SPOCK1: variants seen among roughly 807,000 people sequenced by gnomAD.
SPOCK1 encodes testican-1.
In SPOCK1, 23 loss-of-function variants were observed where a neutral mutation model predicts 55.3. That is an observed-to-expected ratio of 0.42 (90% CI 0.30 to 0.59). SPOCK1 has a LOEUF of 0.59. Ranked by LOEUF, SPOCK1 falls within the 20% of genes least tolerant of loss-of-function variation. The pLI is 0.22. For synonymous variants in SPOCK1, 226 were observed against 221.0 expected (o/e 1.02, Z -0.20); for missense variants, 499 against 552.5 (o/e 0.90, Z 0.97).
At chr5:137,107,496 T>G (rs1196103516) in intron 5 of SPOCK1, among the ~76,000 whole-genome samples, 2 of 152,196 alleles carry the variant, frequency 1.3e-5, no homozygotes, top group Non-Finnish European at 2.9e-5. Context: ...GTTCCTTATC[T>G]TTTATGGATT....
chr5:137,409,304 C>A (rs979604090), intron 2 of SPOCK1, among the ~76,000 whole-genome samples: 1 of 152,200 alleles, frequency 6.6e-6, no homozygotes, highest in African/African-American at 2.4e-5. Context: ...GCTTCATAAC[C>A]CTAGGCAGGC....
chr5:137,367,922 C>T (rs909608197), intron 2 of SPOCK1, among the ~76,000 whole-genome samples: 4 of 152,228 alleles, frequency 2.6e-5, no homozygotes, highest in African/African-American at 9.6e-5. Context: ...CTCAGGTCCA[C>T]CTCTAGTTAG....
intron 5 of SPOCK1, among the ~76,000 whole-genome samples, chr5:137,084,812 G>A (rs990783805): frequency 6.6e-6 from 1 of 152,000 alleles, no homozygotes; most frequent in African/African-American, 2.4e-5. Context: ...CTGACCCAGG[G>A]CTGCCTTTAC....
intron 2 of SPOCK1, among the ~76,000 whole-genome samples, chr5:137,347,716 C>CAAAACAA (rs534671116): frequency 5.4e-4 from 82 of 151,696 alleles, no homozygotes; most frequent in African/African-American, 1.9e-3. Flanking sequence ...GACTCCATCT[C>CAAAACAA]AAAACAAAAA....
chr5:137,459,528 T>C (rs1443614808), intron 2 of SPOCK1, among the ~76,000 whole-genome samples: 1 of 150,840 alleles, frequency 6.6e-6, no homozygotes, highest in Non-Finnish European at 1.5e-5. Flanking sequence ...TTTTGGAAAC[T>C]ATCTGAAGAG....
intron 2 of SPOCK1, among the ~76,000 whole-genome samples, chr5:137,324,190 A>T (rs1758032231): frequency 6.6e-6 from 1 of 152,224 alleles, no homozygotes; most frequent in African/African-American, 2.4e-5. Flanking sequence ...CACACCTGTA[A>T]TTCCAGCAAT....
intron 6 of SPOCK1, among the ~76,000 whole-genome samples, chr5:137,016,460 C>T (rs1751449344): frequency 6.6e-6 from 1 of 152,174 alleles, no homozygotes; most frequent in African/African-American, 2.4e-5. Flanking sequence ...AGTTGAAATT[C>T]AAATGGCATT....
At chr5:137,362,771 C>T (rs1750979247) in intron 2 of SPOCK1, among the ~76,000 whole-genome samples, 1 of 152,184 alleles carries the variant, frequency 6.6e-6, no homozygotes, top group Non-Finnish European at 1.5e-5. Flanking sequence ...TCAAATAAAC[C>T]TCTATAAAAA....
chr5:137,464,003 T>C (rs939725860), intron 2 of SPOCK1, among the ~76,000 whole-genome samples: 1 of 150,060 alleles, frequency 6.7e-6, no homozygotes, highest in Non-Finnish European at 1.5e-5. Context: ...ACACAAAGGA[T>C]AAATGCTTGA....
At chr5:137,319,226 T>C (rs1338485103) in intron 2 of SPOCK1, among the ~76,000 whole-genome samples, 1 of 152,210 alleles carries the variant, frequency 6.6e-6, no homozygotes, top group East Asian at 1.9e-4. Flanking sequence ...GATTCACAGA[T>C]TTCCAGGGAA....
intron 3 of SPOCK1, among the ~76,000 whole-genome samples, chr5:137,183,112 ACATGTAAATATAT>A (rs1755001370): frequency 6.6e-6 from 1 of 152,184 alleles, no homozygotes; most frequent in East Asian, 1.9e-4. Context: ...CCATTTTGTT[ACATGTAAATATAT>A]CCTTCCAAGC....
intron 2 of SPOCK1, among the ~76,000 whole-genome samples, chr5:137,302,866 TC>T (rs529863496): frequency 1.0e-3 from 152 of 152,280 alleles, no homozygotes; most frequent in African/African-American, 3.6e-3. Flanking sequence ...CTGGGGTTGT[TC>T]CATTCATTTC....
chr5:137,345,549 T>C (rs1750538241), intron 2 of SPOCK1, among the ~76,000 whole-genome samples: 1 of 152,178 alleles, frequency 6.6e-6, no homozygotes, highest in East Asian at 1.9e-4. Context: ...TCCCACACAG[T>C]TGTTCTGGAG....
intron 5 of SPOCK1, among the ~76,000 whole-genome samples, chr5:137,074,501 G>A (rs1561599585): frequency 6.6e-6 from 1 of 152,084 alleles, no homozygotes; most frequent in Admixed American, 6.5e-5. Flanking sequence ...AAATACTAAC[G>A]ACTGCCAAAT....
At chr5:137,345,614 C>A (rs1016446585) in intron 2 of SPOCK1, among the ~76,000 whole-genome samples, 1 of 152,348 alleles carries the variant, frequency 6.6e-6, no homozygotes, top group Non-Finnish European at 1.5e-5. Flanking sequence ...GGCTCTTTAG[C>A]TCTGGCTCTA....
intron 2 of SPOCK1, among the ~76,000 whole-genome samples, chr5:137,321,131 C>T (rs940433828): frequency 2.7e-5 from 4 of 147,414 alleles, no homozygotes; most frequent in Admixed American, 6.8e-5. Context: ...ACTGTTTAAG[C>T]AACACAGAAT....
chr5:137,073,542 G>T (rs1486202746), intron 5 of SPOCK1, among the ~76,000 whole-genome samples: 1 of 152,126 alleles, frequency 6.6e-6, no homozygotes, highest in Non-Finnish European at 1.5e-5. Context: ...TGTGACCCAC[G>T]GCACAGTCTT....
intron 2 of SPOCK1, among the ~76,000 whole-genome samples, chr5:137,399,621 G>A (rs1751932542): frequency 6.6e-6 from 1 of 152,070 alleles, no homozygotes; most frequent in Non-Finnish European, 1.5e-5. Flanking sequence ...AGAGATATGG[G>A]TGAACCCCAA....
At chr5:137,272,815 G>A (rs566150538) in intron 2 of SPOCK1, among the ~76,000 whole-genome samples, 3 of 142,728 alleles carry the variant, frequency 2.1e-5, no homozygotes, top group African/African-American at 7.9e-5. Context: ...CATCCCCTAA[G>A]GCATCACTCA....
Sources: gnomAD v4.1 joint callset for allele counts (sites outside exome capture counted in the v4.1 genomes callset) on GRCh38, gnomAD v4.1.1 for gene constraint, MANE v1.5 for transcripts, NCBI Gene and HGNC (gene_info 2026-07-23, HGNC 2026-07-21) for gene names.